Variants in ANXA13 observed in about 807,000 individuals in gnomAD.
ANXA13 encodes annexin XIII.
ANXA13 carries 36 observed loss-of-function variants against 46.6 expected under a neutral mutation model. The observed-to-expected ratio is 0.77, with a 90% CI of 0.59 to 1.02. The LOEUF is 1.02. Among genes scored for constraint, ANXA13 ranks in the 50% least tolerant of loss-of-function variants. The probability of loss-of-function intolerance (pLI) is 0.00; values close to 1 mark genes in which losing one functional copy is unlikely to be tolerated. For missense variants in ANXA13, 417 were observed against 396.5 expected, an observed-to-expected ratio of 1.05 and a Z score of -0.44; for synonymous variants, 163 against 152.9, an observed-to-expected ratio of 1.07 and a Z score of -0.49.
Position 123,702,657 on chromosome 8 carries a change from C to A in ANXA13, c.171G>T (p.Lys57Asn), listed in dbSNP as rs1450407101. 1 of 1,614,058 alleles carries A rather than the reference C, an allele frequency of 6.2e-7. No individual in the cohort carries two copies. Among genetic ancestry groups the A allele is most frequent in the Non-Finnish European group, 8.5e-7 (1 of 1,179,986 alleles). Reference protein sequence around the residue: ...DERQQIKQKYKATYGKELEEV... With the variant: ...DERQQIKQKYNATYGKELEEV... ...CTGGAATCACCTTGCCGTACGTTGC[C>A]TTGTACTTTTGCTTGATTTGTTGCC... The change falls in exon 3 of 11, where the codon AAG becomes AAT. Residue 57 changes from lysine (K) to asparagine (N), a missense_variant. By Grantham distance (94) the Lys-to-Asn change is moderately conservative. Coordinates refer to ENST00000419625, the MANE Select transcript of ANXA13 (RefSeq NM_004306.4).
At chr8:123,698,885 G>T (rs764326695) in intron 3 of ANXA13, among the ~76,000 whole-genome samples, 10 of 152,138 alleles carry the variant, frequency 6.6e-5, no homozygotes, top group Non-Finnish European at 1.2e-4. Context: ...AAATCCTCAA[G>T]ATCTGTTGAA....
At chr8:123,719,894 G>A (rs1172747668) in intron 1 of ANXA13, among the ~76,000 whole-genome samples, 1 of 152,200 alleles carries the variant, frequency 6.6e-6, no homozygotes, top group Non-Finnish European at 1.5e-5. Flanking sequence ...AGATGCACCT[G>A]TGCATGGGGT....
At position 123,698,461 on chromosome 8, in the gene ANXA13, CA is replaced by C. The variant is rs1195148578; in HGVS notation, c.284del (p.Leu95ArgfsTer5). The C allele has an allele frequency of 6.2e-7, 1 of 1,614,096 alleles. No homozygotes were observed. Among genetic ancestry groups the C allele is most frequent in the Non-Finnish European group, 8.5e-7 (1 of 1,180,036 alleles). Reference protein sequence around the residue: ...DRPSEYAARQLQKAMKGLGTD... With the variant: ...DRPSEYAARQXQKAMKGLGTD... ...TGCCCAGACCCTTCATAGCCTTCTG[CA>C]GCTGCCGGGCGGCGTACTCGCTGGG... is the stretch of plus-strand genomic sequence containing the variant. On this transcript the variant is annotated frameshift_variant, in exon 4 of 11. Transcript: ENST00000419625. LOFTEE classifies it high-confidence loss of function.
chr8:123,726,215 A>G (rs1299568427), intron 1 of ANXA13, among the ~76,000 whole-genome samples: 1 of 152,196 alleles, frequency 6.6e-6, no homozygotes, highest in Non-Finnish European at 1.5e-5. Context: ...GCATTTCAGC[A>G]CCTTTTAATG....
chr8:123,735,036 G>C (rs1814223965), intron 1 of ANXA13, among the ~76,000 whole-genome samples: 2 of 148,606 alleles, frequency 1.3e-5, no homozygotes, highest in Admixed American at 1.4e-4. Context: ...GAACTCAGAA[G>C]TCACATACCA....
chr8:123,683,881 C>A (rs1813088414), intron 10 of ANXA13, among the ~76,000 whole-genome samples: 1 of 152,186 alleles, frequency 6.6e-6, no homozygotes, highest in South Asian at 2.1e-4. Flanking sequence ...GCCATTGCAC[C>A]CGACCAGCTG....
At chr8:123,704,197 C>T (rs1813499487) in intron 2 of ANXA13, among the ~76,000 whole-genome samples, 1 of 152,070 alleles carries the variant, frequency 6.6e-6, no homozygotes, top group South Asian at 2.1e-4. Flanking sequence ...TGCACAGGGA[C>T]CACCCTCCAT....
chr8:123,698,325 T>A, intron 4 of ANXA13, 64 bp downstream of exon 4: 2 of 1,565,742 alleles, frequency 1.3e-6, no homozygotes, highest in Non-Finnish European at 1.7e-6. Flanking sequence ...GGGTCCCTTC[T>A]GGGGGGCTGC....
At chr8:123,708,120 T>C (rs767526263) in intron 2 of ANXA13, among the ~76,000 whole-genome samples, 32 of 152,266 alleles carry the variant, frequency 2.1e-4, no homozygotes, top group Non-Finnish European at 3.4e-4. Context: ...GCTGAATGAT[T>C]TCCTGTAAAT....
intron 2 of ANXA13, among the ~76,000 whole-genome samples, chr8:123,704,484 C>A (rs1203622452): frequency 6.6e-6 from 1 of 152,006 alleles, no homozygotes; most frequent in Non-Finnish European, 1.5e-5. Context: ...GCAACCTCCA[C>A]CTCCTGGGTT....
intron 8 of ANXA13, among the ~76,000 whole-genome samples, chr8:123,689,949 T>C (rs1471034067): frequency 6.6e-6 from 1 of 152,210 alleles, no homozygotes; most frequent in Non-Finnish European, 1.5e-5. Flanking sequence ...AAGCACAATA[T>C]ATGTCGGGGG....
chr8:123,725,679 T>C (rs776956439), intron 1 of ANXA13, among the ~76,000 whole-genome samples: 8 of 152,156 alleles, frequency 5.3e-5, no homozygotes, highest in Non-Finnish European at 1.0e-4. Flanking sequence ...GAAAAAAATA[T>C]ATTTGGCAGT....
At chr8:123,684,836 A>G (rs1813110926) in intron 9 of ANXA13, 114 bp from the exon 10 acceptor site, 3 of 721,920 alleles carry the variant, frequency 4.2e-6, no homozygotes, top group Non-Finnish European at 7.3e-6. Context: ...GGTGAGACAG[A>G]GGTGTGAAAA....
chr8:123,719,184 C>G (rs192435219), intron 1 of ANXA13, among the ~76,000 whole-genome samples: 3 of 152,288 alleles, frequency 2.0e-5, no homozygotes. Flanking sequence ...ACTTGTCAGT[C>G]CTTGTGTCCT....
At chr8:123,684,564 A>T (rs745614395) in intron 10 of ANXA13, 46 bp downstream of exon 10, 33 of 1,345,312 alleles carry the variant, frequency 2.5e-5, no homozygotes, top group Non-Finnish European at 3.3e-5. Context: ...AGTGGTGGAA[A>T]AAAGAGAAGT....
At chr8:123,688,121 C>A (rs1363607676) in intron 9 of ANXA13, among the ~76,000 whole-genome samples, 1 of 152,152 alleles carries the variant, frequency 6.6e-6, no homozygotes, top group African/African-American at 2.4e-5. Context: ...TGTGTCCCCA[C>A]CCAAATCTCA....
intron 1 of ANXA13, among the ~76,000 whole-genome samples, chr8:123,713,976 G>C (rs1232766981): frequency 6.6e-6 from 1 of 152,180 alleles, no homozygotes; most frequent in African/African-American, 2.4e-5. Context: ...TTACAGGTGT[G>C]AGCCACGGCG....
chr8:123,702,577 A>G (rs1351469800), intron 3 of ANXA13, 65 bp downstream of exon 3: 3 of 1,310,264 alleles, frequency 2.3e-6, no homozygotes, highest in Non-Finnish European at 2.2e-6. Flanking sequence ...GCCTGGGGAC[A>G]TGAGGAAGCC....
intron 1 of ANXA13, among the ~76,000 whole-genome samples, chr8:123,713,433 T>G (rs1424755230): frequency 6.6e-6 from 1 of 152,234 alleles, no homozygotes; most frequent in Non-Finnish European, 1.5e-5. Flanking sequence ...AATTATTATT[T>G]GCTTATTATT....
Sources: allele counts gnomAD v4.1 joint callset (sites outside exome capture counted in the v4.1 genomes callset), GRCh38; gene constraint gnomAD v4.1.1; transcripts MANE v1.5; gene names NCBI Gene and HGNC (gene_info 2026-07-23, HGNC 2026-07-21).